Variants in BMAL2 observed in about 807,000 individuals in gnomAD.
The protein encoded by BMAL2 is basic helix-loop-helix ARNT like 2.
At chr12:27,368,865 TAATA>T in the BMAL2 span, among the ~76,000 whole-genome samples, 3 of 152,208 alleles carry the variant, frequency 2.0e-5, no homozygotes, top group African/African-American at 7.2e-5. Flanking sequence ...GTCAAATTGA[TAATA>T]AAGTCAATGT....
the BMAL2 span, among the ~76,000 whole-genome samples, chr12:27,377,695 C>T: frequency 1.3e-5 from 2 of 152,172 alleles, no homozygotes; most frequent in African/African-American, 2.4e-5. Flanking sequence ...GAGCTATGAT[C>T]ATACAACTGC....
At chr12:27,403,461 A>C in the BMAL2 span, 2 of 1,609,178 alleles carry the variant, frequency 1.2e-6, no homozygotes, top group Non-Finnish European at 1.7e-6. Flanking sequence ...GTATGAGTGT[A>C]CCTGGAATGT....
the BMAL2 span, among the ~76,000 whole-genome samples, chr12:27,360,068 A>AAT: frequency 7.7e-4 from 117 of 151,416 alleles, no homozygotes; most frequent in South Asian, 0.021. Context: ...AAAAAAAAAA[A>AAT]AAAAGTACTA....
the BMAL2 span, among the ~76,000 whole-genome samples, chr12:27,420,019 G>GCGCGCGCGCACTCGCACACACA: frequency 1.4e-5 from 2 of 147,478 alleles, no homozygotes; most frequent in Non-Finnish European, 3.0e-5. Flanking sequence ...GTTTGCGCGT[G>GCGCGCGCGCACTCGCACACACA]CACACACACA....
At chr12:27,361,057 AACT>A in the BMAL2 span, among the ~76,000 whole-genome samples, 2 of 152,192 alleles carry the variant, frequency 1.3e-5, no homozygotes, top group African/African-American at 4.8e-5. Flanking sequence ...AAAAGTTTTA[AACT>A]TTTATGAAAA....
chr12:27,388,413 T>A, the BMAL2 span, among the ~76,000 whole-genome samples: 1 of 152,136 alleles, frequency 6.6e-6, no homozygotes. Context: ...GGTCCGTTAG[T>A]CCTGTTGTCT....
the BMAL2 span, among the ~76,000 whole-genome samples, chr12:27,386,765 G>A: frequency 1.3e-5 from 2 of 152,114 alleles, no homozygotes; most frequent in African/African-American, 2.4e-5. Context: ...CAGTAGCTGG[G>A]ACTAGAGGCG....
At chr12:27,366,954 A>G in the BMAL2 span, among the ~76,000 whole-genome samples, 1 of 152,166 alleles carries the variant, frequency 6.6e-6, no homozygotes, top group Non-Finnish European at 1.5e-5. Context: ...CCTCTTACCC[A>G]TGGCGGATAC....
chr12:27,420,049 A>AC, the BMAL2 span, among the ~76,000 whole-genome samples: 276 of 151,086 alleles, frequency 1.8e-3, 2 homozygotes, highest in African/African-American at 5.8e-3. Context: ...ACACACACAC[A>AC]AACATACACT....
chr12:27,371,595 A>C, the BMAL2 span, among the ~76,000 whole-genome samples: 1 of 152,208 alleles, frequency 6.6e-6, no homozygotes, highest in Non-Finnish European at 1.5e-5. Flanking sequence ...TCTGAAAACT[A>C]TCTTGAATGC....
the BMAL2 span, among the ~76,000 whole-genome samples, chr12:27,376,850 A>T: frequency 6.6e-6 from 1 of 151,846 alleles, no homozygotes; most frequent in African/African-American, 2.4e-5. Flanking sequence ...AATACAAAAA[A>T]TTAGCCGGGC....
At chr12:27,359,265 C>T in the BMAL2 span, among the ~76,000 whole-genome samples, 3 of 152,300 alleles carry the variant, frequency 2.0e-5, no homozygotes, top group East Asian at 5.8e-4. Context: ...GTTGCAAGAA[C>T]AATGAAACAC....
chr12:27,342,875 T>C, the BMAL2 span, among the ~76,000 whole-genome samples: 1 of 152,260 alleles, frequency 6.6e-6, no homozygotes, highest in Admixed American at 6.5e-5. Context: ...TCCTTTTCTT[T>C]AGTTTTCAAC....
At chr12:27,417,256 A>G in the BMAL2 span, among the ~76,000 whole-genome samples, 1 of 152,364 alleles carries the variant, frequency 6.6e-6, no homozygotes, top group African/African-American at 2.4e-5. Flanking sequence ...TAACAGTATA[A>G]GAACTTTTCA....
the BMAL2 span, chr12:27,380,124 C>A: frequency 2.2e-6 from 2 of 928,282 alleles, no homozygotes; most frequent in Non-Finnish European, 3.2e-6. Context: ...AACTGCAGGG[C>A]CCAAGTGGGG....
chr12:27,407,189 C>T, the BMAL2 span, among the ~76,000 whole-genome samples: 1 of 152,142 alleles, frequency 6.6e-6, no homozygotes, highest in Non-Finnish European at 1.5e-5. Context: ...ATCAACGAGA[C>T]AGAAAGTTAA....
At chr12:27,387,229 C>G in the BMAL2 span, 1 of 1,605,292 alleles carries the variant, frequency 6.2e-7, no homozygotes, top group Non-Finnish European at 8.5e-7. Flanking sequence ...AAATCCTAGA[C>G]TGCAGAAGGC....
the BMAL2 span, chr12:27,390,206 G>A: frequency 6.2e-7 from 1 of 1,613,942 alleles, no homozygotes; most frequent in South Asian, 1.1e-5. Context: ...TGTCAAAGAA[G>A]AGCATGGATG....
chr12:27,417,543 T>C, the BMAL2 span, among the ~76,000 whole-genome samples: 2 of 152,164 alleles, frequency 1.3e-5, no homozygotes, highest in African/African-American at 2.4e-5. Context: ...GCCTCAGATT[T>C]ATGATGTGTA....
Sources: allele counts gnomAD v4.1 joint callset (sites outside exome capture counted in the v4.1 genomes callset), GRCh38; gene constraint gnomAD v4.1.1; transcripts MANE v1.5; gene names NCBI Gene and HGNC (gene_info 2026-07-23, HGNC 2026-07-21).